The following BMP6 variants were observed in gnomAD, a reference collection of about 807,000 sequenced individuals.
BMP6 encodes the protein bone morphogenetic protein 6, also known as VG-1-R.
BMP6 carries 17 observed loss-of-function variants against 54.1 expected under a neutral mutation model. The observed-to-expected ratio is 0.31, with a 90% CI of 0.22 to 0.47. The LOEUF is 0.47. Ranked by LOEUF, BMP6 falls within the 20% of genes least tolerant of loss-of-function variation. The pLI is 1.00. For synonymous variants in BMP6, 328 were observed against 291.2 expected (o/e 1.13, Z -1.28); for missense variants, 720 against 690.4 (o/e 1.04, Z -0.48).
At position 7,825,963 on chromosome 6, in the gene BMP6, C is replaced by T. The variant is rs576465400; in HGVS notation, c.665-19177C>T. 6.6e-5 allele frequency among the ~76,000 whole-genome samples: 10 copies of T among 152,246 alleles called. 1 individual carries two copies. Among genetic ancestry groups the T allele is most frequent in the African/African-American group, 2.2e-4 (9 of 41,534 alleles). ...AGACCCTTATATAAAATAACTCTTC[C>T]GTCCACCACAGTGGCCAATATTTCC... On this transcript the variant is annotated intron_variant, in intron 1 of 6. Transcript: ENST00000283147.
At chr6:7,740,734 A>G (rs554561588) in intron 1 of BMP6, among the ~76,000 whole-genome samples, 21 of 152,104 alleles carry the variant, frequency 1.4e-4, no homozygotes, top group Non-Finnish European at 2.4e-4. Flanking sequence ...CTTAACTTCA[A>G]TCTTTGCCCT....
intron 1 of BMP6, among the ~76,000 whole-genome samples, chr6:7,731,254 C>G (rs887125907): frequency 5.9e-5 from 9 of 152,168 alleles, no homozygotes; most frequent in Non-Finnish European, 1.2e-4. Context: ...TTTTCTAATG[C>G]TAAAAATGTC....
intron 1 of BMP6, among the ~76,000 whole-genome samples, chr6:7,807,647 G>A (rs952049282): frequency 7.9e-5 from 12 of 152,114 alleles, no homozygotes; most frequent in Non-Finnish European, 1.5e-4. Context: ...CTCCAGGAGC[G>A]GGTCCCAGCA....
At chr6:7,878,729 T>C (rs539657169) in intron 4 of BMP6, among the ~76,000 whole-genome samples, 2 of 152,370 alleles carry the variant, frequency 1.3e-5, no homozygotes, top group African/African-American at 4.8e-5. Flanking sequence ...CATGTGAATG[T>C]GATGCCTTCC....
At chr6:7,869,758 T>G (rs9505292) in intron 4 of BMP6, among the ~76,000 whole-genome samples, 2,007 of 152,246 alleles carry the variant, frequency 0.013, 44 homozygotes, top group African/African-American at 0.045. Flanking sequence ...GGAAGCTGAT[T>G]GTCAGGTCCA....
chr6:7,786,873 A>G (rs1001295882), intron 1 of BMP6, among the ~76,000 whole-genome samples: 4 of 152,174 alleles, frequency 2.6e-5, no homozygotes, highest in African/African-American at 9.7e-5. Context: ...TCCCATTTCA[A>G]ACTTCCCCAG....
intron 1 of BMP6, among the ~76,000 whole-genome samples, chr6:7,834,325 GA>G: frequency 7.6e-5 from 3 of 39,612 alleles, no homozygotes; most frequent in Non-Finnish European, 1.4e-4. Context: ...TCATCAGAGT[GA>G]ATCATCAGAG....
At chr6:7,784,738 T>C (rs1025401641) in intron 1 of BMP6, among the ~76,000 whole-genome samples, 1 of 152,154 alleles carries the variant, frequency 6.6e-6, no homozygotes, top group African/African-American at 2.4e-5. Context: ...GACCATACTT[T>C]GAAGTGGTCT....
chr6:7,845,693 C>T (rs992632527), intron 2 of BMP6, among the ~76,000 whole-genome samples: 3 of 152,074 alleles, frequency 2.0e-5, no homozygotes, highest in Non-Finnish European at 4.4e-5. Context: ...GTATATGATG[C>T]TTGTAAGTGA....
intron 1 of BMP6, among the ~76,000 whole-genome samples, chr6:7,778,999 T>C (rs985415302): frequency 2.0e-5 from 3 of 152,244 alleles, no homozygotes; most frequent in African/African-American, 7.2e-5. Flanking sequence ...GTCCACTGCC[T>C]CAAACAGGTA....
chr6:7,786,081 G>A (rs1352480146), intron 1 of BMP6, among the ~76,000 whole-genome samples: 1 of 152,228 alleles, frequency 6.6e-6, no homozygotes, highest in Non-Finnish European at 1.5e-5. Flanking sequence ...TCCTAGTAGA[G>A]GGAAAGCACG....
chr6:7,846,241 T>G (rs543511828), intron 2 of BMP6, among the ~76,000 whole-genome samples: 25 of 152,302 alleles, frequency 1.6e-4, no homozygotes, highest in African/African-American at 5.5e-4. Context: ...ACTCCATGCT[T>G]CCAGACTCCG....
chr6:7,815,154 C>G (rs1397267578), intron 1 of BMP6, among the ~76,000 whole-genome samples: 1 of 152,134 alleles, frequency 6.6e-6, no homozygotes, highest in African/African-American at 2.4e-5. Context: ...CTTAAAGGGT[C>G]AGCCTTGGTT....
intron 1 of BMP6, among the ~76,000 whole-genome samples, chr6:7,757,436 C>G (rs187227939): frequency 6.6e-6 from 1 of 152,304 alleles, no homozygotes; most frequent in African/African-American, 2.4e-5. Flanking sequence ...CTCCCTATGC[C>G]TGCTTATGTG....
chr6:7,779,545 G>A (rs1338205655), intron 1 of BMP6, among the ~76,000 whole-genome samples: 2 of 152,072 alleles, frequency 1.3e-5, no homozygotes, highest in African/African-American at 4.8e-5. Flanking sequence ...TCACCATGTT[G>A]GCCAGGCTGG....
rs1759044274 is a variant in BMP6, at chr6:7,845,296, T to C, written c.821T>C (p.Ile274Thr). The change falls in exon 2 of 7, where the codon ATC becomes ACC. Residue 274 changes from isoleucine (I) to threonine (T), a missense_variant. By Grantham distance (89) the Ile-to-Thr change is moderately conservative. Coordinates refer to ENST00000283147, the MANE Select transcript of BMP6 (RefSeq NM_001718.6). ...AGTTTTAAAAACCAAACTTTTCTTA[T>C]CAGCATTTATCAAGTCTTACAGGAG... ...MGSFKNQTFL[I>T]SIYQVLQEHQ... 1.2e-6 allele frequency: 2 copies of C among 1,614,104 alleles called. No individual in the cohort carries two copies. Among genetic ancestry groups the C allele is most frequent in the East Asian group, 4.5e-5 (2 of 44,878 alleles).
At chr6:7,799,224 T>G (rs541597074) in intron 1 of BMP6, among the ~76,000 whole-genome samples, 1 of 152,322 alleles carries the variant, frequency 6.6e-6, no homozygotes, top group South Asian at 2.1e-4. Flanking sequence ...CCAAGCTAAT[T>G]TGTTAAAATT....
intron 1 of BMP6, among the ~76,000 whole-genome samples, chr6:7,755,981 G>T (rs541345010): frequency 2.1e-4 from 32 of 152,078 alleles, no homozygotes; most frequent in African/African-American, 7.5e-4. Flanking sequence ...TTTCAGAAAT[G>T]GTTTTATCAT....
intron 1 of BMP6, among the ~76,000 whole-genome samples, chr6:7,757,808 T>C (rs1379601149): frequency 2.6e-5 from 4 of 152,240 alleles, no homozygotes; most frequent in African/African-American, 9.6e-5. Context: ...TTCATCTTCA[T>C]AGATCAGGAA....
Sources: allele counts gnomAD v4.1 joint callset (sites outside exome capture counted in the v4.1 genomes callset), GRCh38; gene constraint gnomAD v4.1.1; transcripts MANE v1.5; gene names NCBI Gene and HGNC (gene_info 2026-07-23, HGNC 2026-07-21).